The following PRKN variants were observed in gnomAD, a reference collection of about 807,000 sequenced individuals.
PRKN encodes the protein E3 ubiquitin-protein ligase parkin.
A neutral mutation model predicts 59.5 loss-of-function variants in PRKN; 56 were observed. That is an observed-to-expected ratio of 0.94 (90% CI 0.76 to 1.18). The LOEUF (loss-of-function observed/expected upper bound fraction) is 1.18, where lower values mean the gene tolerates loss of function less well. Ranked by LOEUF, PRKN falls within the 50% of genes most tolerant of loss-of-function variation. The pLI is 0.00. For synonymous variants in PRKN, 250 were observed against 222.1 expected (o/e 1.13, Z -1.12); for missense variants, 657 against 596.4 (o/e 1.10, Z -1.06).
intron 2 of PRKN, among the ~76,000 whole-genome samples, chr6:162,292,406 C>A (rs1021756162): frequency 1.3e-5 from 2 of 152,148 alleles, no homozygotes; most frequent in African/African-American, 4.8e-5. Context: ...CTTTTGTACC[C>A]TGTAGCTTTC....
At chr6:162,716,831 T>C (rs1260360055) in intron 1 of PRKN, among the ~76,000 whole-genome samples, 1 of 151,810 alleles carries the variant, frequency 6.6e-6, no homozygotes, top group Non-Finnish European at 1.5e-5. Flanking sequence ...GTAACACTAC[T>C]GCATTACCTT....
In PRKN at chr6:161,570,142, A is replaced by AT. The variant is rs1354971928; in HGVS notation, c.872-727_872-726insA. On this transcript the variant is annotated intron_variant, in intron 7 of 11. Transcript: ENST00000366898. ...AAATAGGTAAAAAAAAAAAAAAAAA[A>AT]AAAAATATATATATATATATATATA... Among the ~76,000 whole-genome samples the AT allele has an allele frequency of 3.6e-3, 469 of 130,726 alleles. 2 individuals carry two copies. The highest frequency in any genetic ancestry group is 9.9e-3 in the African/African-American group (316 of 31,898). The allele number at this position is 130,726 out of a possible 152,430, so 85.8% of individuals were successfully genotyped here.
chr6:161,481,859 T>C (rs1791415674), intron 9 of PRKN, among the ~76,000 whole-genome samples: 1 of 151,952 alleles, frequency 6.6e-6, no homozygotes, highest in East Asian at 1.9e-4. Context: ...TAAACTTAGT[T>C]TGGGCAATTT....
At chr6:162,347,510 T>C (rs1784453472) in intron 2 of PRKN, among the ~76,000 whole-genome samples, 1 of 152,118 alleles carries the variant, frequency 6.6e-6, no homozygotes, top group Admixed American at 6.6e-5. Flanking sequence ...GTATAAGAAA[T>C]TAATCTTTGG....
At chr6:161,801,278 C>T (rs1215290903) in intron 6 of PRKN, among the ~76,000 whole-genome samples, 1 of 152,190 alleles carries the variant, frequency 6.6e-6, no homozygotes, top group Non-Finnish European at 1.5e-5. Flanking sequence ...AGCAGCAGGG[C>T]TGGAAACTGA....
At chr6:162,500,942 G>A (rs1398523616) in intron 1 of PRKN, among the ~76,000 whole-genome samples, 1 of 152,132 alleles carries the variant, frequency 6.6e-6, no homozygotes, top group African/African-American at 2.4e-5. Context: ...GAGGCAGAAG[G>A]ACTGCTTGAG....
At chr6:162,322,600 A>T (rs898294331) in intron 2 of PRKN, among the ~76,000 whole-genome samples, 2 of 152,162 alleles carry the variant, frequency 1.3e-5, no homozygotes, top group African/African-American at 4.8e-5. Context: ...TAAATATATC[A>T]ATGGAACAAA....
chr6:161,773,800 C>A (rs1009982986), intron 7 of PRKN, among the ~76,000 whole-genome samples: 1 of 152,070 alleles, frequency 6.6e-6, no homozygotes. Flanking sequence ...GTTATTTTAT[C>A]TTTAAACACT....
At chr6:161,901,644 G>A (rs1194061116) in intron 6 of PRKN, among the ~76,000 whole-genome samples, 1 of 152,124 alleles carries the variant, frequency 6.6e-6, no homozygotes, top group Non-Finnish European at 1.5e-5. Context: ...ACAATGGAGC[G>A]GGTCTGATTT....
chr6:162,515,216 G>C (rs1777795747), intron 1 of PRKN, among the ~76,000 whole-genome samples: 1 of 151,742 alleles, frequency 6.6e-6, no homozygotes, highest in African/African-American at 2.4e-5. Context: ...CTGAGTACCT[G>C]GGATTACAAG....
intron 7 of PRKN, among the ~76,000 whole-genome samples, chr6:161,580,643 AT>A (rs11450756): frequency 6.6e-6 from 1 of 151,428 alleles, no homozygotes; most frequent in Non-Finnish European, 1.5e-5. Context: ...TGCCAGGCTA[AT>A]TTTTTTGTAT....
intron 9 of PRKN, among the ~76,000 whole-genome samples, chr6:161,540,806 A>G (rs888199478): frequency 6.6e-6 from 1 of 152,180 alleles, no homozygotes; most frequent in Non-Finnish European, 1.5e-5. Flanking sequence ...TTTAAGTCCT[A>G]TAGGAAAGAA....
intron 4 of PRKN, among the ~76,000 whole-genome samples, chr6:162,142,137 GAGA>G (rs1290256095): frequency 6.6e-6 from 1 of 152,206 alleles, no homozygotes; most frequent in Non-Finnish European, 1.5e-5. Context: ...TAAGGCAGGA[GAGA>G]AGGAGAGTAG....
chr6:162,305,191 A>G (rs560106041), intron 2 of PRKN, among the ~76,000 whole-genome samples: 5 of 152,266 alleles, frequency 3.3e-5, no homozygotes, highest in Admixed American at 3.3e-4. Context: ...AGAAAATAAA[A>G]GGGAAAAAAA....
chr6:162,527,987 C>A (rs1778354190), intron 1 of PRKN, among the ~76,000 whole-genome samples: 1 of 146,186 alleles, frequency 6.8e-6, no homozygotes, highest in South Asian at 2.2e-4. Flanking sequence ...CAGGAACAAT[C>A]AACTGAATTT....
At chr6:162,042,651 T>C (rs962816300) in intron 5 of PRKN, among the ~76,000 whole-genome samples, 7 of 152,190 alleles carry the variant, frequency 4.6e-5, no homozygotes, top group African/African-American at 1.7e-4. Flanking sequence ...ATCAATAAAA[T>C]ATCCACATTT....
chr6:161,861,265 T>A (rs1312004058), intron 6 of PRKN, among the ~76,000 whole-genome samples: 1 of 152,224 alleles, frequency 6.6e-6, no homozygotes. Context: ...TGAGTTTGTG[T>A]CCTTTGCAGG....
In PRKN at chr6:161,631,455, C is replaced by T. The variant is rs1005358298; in HGVS notation, c.872-62039G>A. Reference sequence around the variant, plus strand: ...TTGCCACGTGTTTTATGCAAAGTGTCAAGTGACAGGTGCAACAAATCCATG... The same window carrying T: ...TTGCCACGTGTTTTATGCAAAGTGTTAAGTGACAGGTGCAACAAATCCATG... On this transcript the variant is annotated intron_variant, in intron 7 of 11. Transcript: ENST00000366898. Among the ~76,000 whole-genome samples, 12 of 152,148 alleles carry T rather than the reference C, an allele frequency of 7.9e-5. 1 individual carries two copies. The highest frequency in any genetic ancestry group is 4.1e-4 in the South Asian group (2 of 4,828).
intron 4 of PRKN, among the ~76,000 whole-genome samples, chr6:162,174,243 T>C (rs867754121): frequency 2.0e-5 from 3 of 152,210 alleles, no homozygotes; most frequent in Admixed American, 6.5e-5. Context: ...CTTACACATA[T>C]AGAAAATTTG....
Sources: gnomAD v4.1 joint callset for allele counts (sites outside exome capture counted in the v4.1 genomes callset) on GRCh38, gnomAD v4.1.1 for gene constraint, MANE v1.5 for transcripts, NCBI Gene and HGNC (gene_info 2026-07-23, HGNC 2026-07-21) for gene names.